The following TENM1 variants were observed in gnomAD, a reference collection of about 807,000 sequenced individuals.
TENM1 encodes the protein teneurin-1.
Under a neutral mutation model 174.8 loss-of-function variants are expected in TENM1, and 35 were observed. That is an observed-to-expected ratio of 0.20 (90% CI 0.15 to 0.27). The LOEUF (loss-of-function observed/expected upper bound fraction) is 0.27, where lower values mean the gene tolerates loss of function less well. TENM1 is among the 10% of genes least tolerant of loss of function. The probability of loss-of-function intolerance (pLI) is 1.00; values close to 1 mark genes in which losing one functional copy is unlikely to be tolerated. For synonymous variants in TENM1, 781 were observed against 798.7 expected, an observed-to-expected ratio of 0.98 and a Z score of 0.37; for missense variants, 1,633 against 2,130.1, an observed-to-expected ratio of 0.77 and a Z score of 4.59.
chrX:124,760,005 C>T lies in TENM1; in HGVS notation c.536-22808G>A, dbSNP rs140154325. 4.0e-3 allele frequency among the ~76,000 whole-genome samples: 443 copies of T among 111,360 alleles called. 3 individuals carry two copies. Among genetic ancestry groups the T allele is most frequent in the African/African-American group, 0.014 (417 of 30,597 alleles). ...GGCTGAAAAACCAGACTGCTGGTCC[C>T]GGATGAAGCCCACCCTTTCACGACT... On this transcript the variant is annotated intron_variant, in intron 3 of 31. Transcript: ENST00000422452.
the TENM1 span, among the ~76,000 whole-genome samples, chrX:124,995,701 T>C: frequency 9.0e-6 from 1 of 111,505 alleles, no homozygotes. Context: ...TGAGTACAGA[T>C]TGTTGTTATT....
chrX:124,435,517 G>A (rs1410304595), intron 23 of TENM1, among the ~76,000 whole-genome samples: 1 of 111,712 alleles, frequency 9.0e-6, no homozygotes, highest in African/African-American at 3.3e-5. Context: ...GAGATGTTAA[G>A]CTATAAGTGG....
exon 2 of TENM1, chrX:124,896,077 T>C (rs2057557390): frequency 2.5e-6 from 3 of 1,209,837 alleles, no homozygotes; most frequent in South Asian, 3.5e-5. Flanking sequence ...TCTGATTTCA[T>C]TCCCCTTATC....
At chrX:125,072,115 A>AT in the TENM1 span, among the ~76,000 whole-genome samples, 2 of 110,433 alleles carry the variant, frequency 1.8e-5, no homozygotes, top group South Asian at 3.8e-4. Flanking sequence ...CAGTCCTGTG[A>AT]TTTTTTTTCT....
the TENM1 span, among the ~76,000 whole-genome samples, chrX:125,082,329 T>G: frequency 9.0e-6 from 1 of 110,649 alleles, no homozygotes; most frequent in East Asian, 2.9e-4. Flanking sequence ...CAGCAATGGT[T>G]GTTTTTCTAC....
chrX:124,561,367 C>G (rs1437891039), intron 14 of TENM1, among the ~76,000 whole-genome samples: 1 of 110,637 alleles, frequency 9.0e-6, no homozygotes, highest in Non-Finnish European at 1.9e-5. Flanking sequence ...CTATCCCCAC[C>G]CAGAGCATTA....
chrX:125,024,514 C>G, the TENM1 span, among the ~76,000 whole-genome samples: 3,407 of 110,774 alleles, frequency 0.031, 151 homozygotes, highest in African/African-American at 0.11. Flanking sequence ...AGTCAAAAAC[C>G]ACACATTCTC....
At chrX:124,451,239 A>G (rs968235828) in intron 23 of TENM1, among the ~76,000 whole-genome samples, 2 of 110,640 alleles carry the variant, frequency 1.8e-5, no homozygotes, top group African/African-American at 3.3e-5. Context: ...TTTTGGACCC[A>G]GATGAGAGCT....
intron 3 of TENM1, among the ~76,000 whole-genome samples, chrX:124,757,236 T>G (rs1023438822): frequency 8.9e-6 from 1 of 112,439 alleles, no homozygotes; most frequent in Non-Finnish European, 1.9e-5. Flanking sequence ...ACCTTGCAGT[T>G]TGATCTCAGA....
At chrX:124,517,740 C>A (rs1256020604) in intron 18 of TENM1, among the ~76,000 whole-genome samples, 1 of 108,417 alleles carries the variant, frequency 9.2e-6, no homozygotes, top group Non-Finnish European at 1.9e-5. Flanking sequence ...TGCAGCACAC[C>A]AACATGGTGC....
chrX:125,042,806 C>G, the TENM1 span, among the ~76,000 whole-genome samples: 55 of 111,465 alleles, frequency 4.9e-4, no homozygotes, highest in African/African-American at 1.7e-3. Context: ...AAGGCATAGA[C>G]AGTATCAGCT....
At chrX:125,136,945 G>A in the TENM1 span, among the ~76,000 whole-genome samples, 1 of 111,173 alleles carries the variant, frequency 9.0e-6, no homozygotes, top group African/African-American at 3.3e-5. Flanking sequence ...AGAAATGAGT[G>A]TAGACCACGG....
chrX:124,980,897 T>A, the TENM1 span, among the ~76,000 whole-genome samples: 1 of 112,027 alleles, frequency 8.9e-6, no homozygotes, highest in Admixed American at 9.5e-5. Context: ...ATTCTCCACA[T>A]TGAAGATGTA....
Position 124,773,022 on chromosome X carries a change from C to T in TENM1, c.536-35825G>A, listed in dbSNP as rs145458220. 5.5e-3 allele frequency among the ~76,000 whole-genome samples: 614 copies of T among 111,741 alleles called. 4 individuals carry two copies. Among genetic ancestry groups the T allele is most frequent in the Non-Finnish European group, 8.6e-3 (458 of 53,122 alleles). On this transcript the variant is annotated intron_variant, in intron 3 of 31. Coordinates refer to ENST00000422452, the Ensembl canonical transcript of TENM1. ...TCCTCACTGTTTCTCAGTAGATGAT[C>T]GAAAACATAACATTTAGGGCAATTT... is the stretch of plus-strand genomic sequence containing the variant.
In TENM1 at chrX:124,629,521, C is replaced by T. The variant is rs1191771673; in HGVS notation, c.2077+12270G>A. ...TGACATACAATGCCAACAATAGCTA[C>T]AATCTATCATTATAATTTAGTGCCC... On this transcript the variant is annotated intron_variant, in intron 11 of 31. Transcript: ENST00000422452. Among the ~76,000 whole-genome samples the T allele has an allele frequency of 4.4e-5, 5 of 112,512 alleles. No individual in the cohort carries two copies. In the East Asian group the frequency reaches 1.4e-3, roughly 31 times the overall value.
intron 3 of TENM1, among the ~76,000 whole-genome samples, chrX:124,778,565 A>G (rs1005619218): frequency 1.8e-5 from 2 of 112,020 alleles, no homozygotes; most frequent in African/African-American, 6.5e-5. Flanking sequence ...TGGTTTTTCA[A>G]TATTCTAAAG....
chrX:124,791,743 G>C (rs748815048), intron 3 of TENM1, among the ~76,000 whole-genome samples: 1 of 111,725 alleles, frequency 9.0e-6, no homozygotes, highest in East Asian at 2.8e-4. Context: ...ACCCTGACAG[G>C]ATATATTAAT....
chrX:125,089,727 T>C, the TENM1 span, among the ~76,000 whole-genome samples: 35 of 110,620 alleles, frequency 3.2e-4, no homozygotes, highest in Non-Finnish European at 5.9e-4. Context: ...GGGAAGGGAG[T>C]AAGTTGAATC....
rs2052592530 is a variant in TENM1 at position 124,694,036 on chromosome X, T to C, written c.1015+10977A>G. Among the ~76,000 whole-genome samples the C allele has an allele frequency of 2.7e-5, 3 of 111,412 alleles. No homozygotes were observed. The South Asian group carries it at 1.1e-3, about 42-fold the overall frequency. On this transcript the variant is annotated intron_variant, in intron 5 of 31. Coordinates refer to ENST00000422452, the Ensembl canonical transcript of TENM1. ...TTTTGTGATTCACTTTTATTTTTGC[T>C]GTATCCTGAAATTATACCTCTTGCT...
Sources: gnomAD v4.1 joint callset for allele counts (sites outside exome capture counted in the v4.1 genomes callset) on GRCh38, gnomAD v4.1.1 for gene constraint, MANE v1.5 for transcripts, NCBI Gene and HGNC (gene_info 2026-07-23, HGNC 2026-07-21) for gene names.